The following SLC17A8 variants were observed in gnomAD, a reference collection of about 807,000 sequenced individuals.
SLC17A8 encodes solute carrier family 17 member 8.
A neutral mutation model predicts 58.0 loss-of-function variants in SLC17A8; 31 were observed. The ratio of observed to expected loss-of-function variants is 0.53; its 90% CI spans 0.40 to 0.72. The LOEUF is 0.72. Among genes scored for constraint, SLC17A8 ranks in the 30% least tolerant of loss-of-function variants. The probability of loss-of-function intolerance (pLI) is 0.00; values close to 1 mark genes in which losing one functional copy is unlikely to be tolerated. For missense variants in SLC17A8, 655 were observed against 727.8 expected (o/e 0.90, Z 1.15); for synonymous variants, 228 against 249.0 (o/e 0.92, Z 0.79).
chr12:100,357,677 G>A (rs1952458098), intron 1 of SLC17A8, among the ~76,000 whole-genome samples, 185 bp downstream of exon 1: 1 of 152,174 alleles, frequency 6.6e-6, no homozygotes, highest in Non-Finnish European at 1.5e-5. Context: ...TGCATGAATA[G>A]TATTGGGTTG....
Position 100,408,545 on chromosome 12 carries a change from G to T in SLC17A8, c.1187-4225G>T, listed in dbSNP as rs73376038. 4.9e-3 allele frequency among the ~76,000 whole-genome samples: 747 copies of T among 152,198 alleles called. 11 individuals carry two copies. The highest frequency in any genetic ancestry group is 0.017 in the African/African-American group (714 of 41,520). On this transcript the variant is annotated intron_variant, in intron 9 of 11. Transcript: ENST00000323346. ...CCTAAAGTTGAAATTTTATCCTTAA[G>T]CTCCTGAAACATGCAGCCCTGTCTC...
chr12:100,382,640 T>C (rs946873704), intron 2 of SLC17A8, among the ~76,000 whole-genome samples: 3 of 152,202 alleles, frequency 2.0e-5, no homozygotes, highest in Non-Finnish European at 4.4e-5. Flanking sequence ...ATCACTGCAC[T>C]GCAGGCTGTG....
chr12:100,389,502 T>C (rs61941783), intron 2 of SLC17A8, among the ~76,000 whole-genome samples: 17,596 of 152,124 alleles, frequency 0.12, 1,076 homozygotes, highest in Admixed American at 0.16. Flanking sequence ...CATTTTTTGT[T>C]TTATTCACAA....
intron 1 of SLC17A8, among the ~76,000 whole-genome samples, chr12:100,376,606 G>A (rs1952596216): frequency 6.6e-6 from 1 of 152,164 alleles, no homozygotes; most frequent in African/African-American, 2.4e-5. Context: ...TCAAATGGGA[G>A]TATTAGATTT....
At chr12:100,379,852 T>A (rs1303993568) in intron 1 of SLC17A8, among the ~76,000 whole-genome samples, 4 of 152,038 alleles carry the variant, frequency 2.6e-5, no homozygotes, top group Non-Finnish European at 5.9e-5. Context: ...CAAATGGGTG[T>A]GCATTGTGAT....
chr12:100,379,304 G>T (rs540732431), intron 1 of SLC17A8, among the ~76,000 whole-genome samples: 1 of 151,982 alleles, frequency 6.6e-6, no homozygotes, highest in Non-Finnish European at 1.5e-5. Context: ...GTGTGGTGGC[G>T]CATGGCTGTA....
chr12:100,419,268 T>C (rs761932858), intron 11 of SLC17A8, among the ~76,000 whole-genome samples: 5 of 152,188 alleles, frequency 3.3e-5, no homozygotes, highest in Non-Finnish European at 7.3e-5. Context: ...TTTTAAAATG[T>C]ATTTTCTTGT....
intron 9 of SLC17A8, among the ~76,000 whole-genome samples, chr12:100,411,538 C>T (rs1194098097): frequency 2.0e-5 from 3 of 152,022 alleles, no homozygotes; most frequent in Non-Finnish European, 2.9e-5. Context: ...TTGATTTGGG[C>T]ATGTTGCCTT....
chr12:100,420,373 T>G lies in SLC17A8; in HGVS notation c.*214T>G, dbSNP rs1952940413. 3.3e-5 allele frequency: 18 copies of G among 539,880 alleles called. No homozygotes were observed. In the East Asian group the frequency reaches 5.4e-4, roughly 16 times the overall value. The allele number at this position is 539,880 out of a possible 1,614,324, so 33.4% of individuals were successfully genotyped here. On this transcript the variant is annotated 3_prime_UTR_variant, in exon 12 of 12. Coordinates refer to ENST00000323346, the MANE Select transcript of SLC17A8 (RefSeq NM_139319.3). ...AACATAGTTGATAATACATATTTTT[T>G]GAATTGACAGTTGACCCTTCTCTCA...
intron 1 of SLC17A8, among the ~76,000 whole-genome samples, chr12:100,364,341 G>A (rs1952504605): frequency 6.6e-6 from 1 of 152,214 alleles, no homozygotes; most frequent in African/African-American, 2.4e-5. Flanking sequence ...TTTCCAGGAT[G>A]GAAGGGGTCT....
chr12:100,391,151 C>A, intron 3 of SLC17A8, 32 bp downstream of exon 3: 1 of 1,436,706 alleles, frequency 7.0e-7, no homozygotes, highest in Non-Finnish European at 9.8e-7. Context: ...TGATACAAAC[C>A]AATGAAATGT....
At chr12:100,361,324 C>G (rs7311178) in intron 1 of SLC17A8, among the ~76,000 whole-genome samples, 59,267 of 152,072 alleles carry the variant, frequency 0.39, 12,988 homozygotes, top group African/African-American at 0.59. Context: ...CTGGATTCAC[C>G]GGCCTCCTGG....
intron 3 of SLC17A8, among the ~76,000 whole-genome samples, chr12:100,391,375 C>T (rs1952715101): frequency 7.4e-6 from 1 of 135,094 alleles, no homozygotes; most frequent in South Asian, 2.9e-4. Flanking sequence ...ACCTCTGCCC[C>T]ACCCCCTCCC....
chr12:100,404,324 C>A, intron 9 of SLC17A8, 154 bp downstream of exon 9: 1 of 927,742 alleles, frequency 1.1e-6, no homozygotes, highest in Non-Finnish European at 1.7e-6. Context: ...TGTTGTCCAT[C>A]ACAGTGCTGC....
chr12:100,413,045 T>A (rs1417761071), intron 10 of SLC17A8, among the ~76,000 whole-genome samples, 165 bp downstream of exon 10: 1 of 152,156 alleles, frequency 6.6e-6, no homozygotes, highest in African/African-American at 2.4e-5. Context: ...TTTTGTAAGA[T>A]CACTGAGAAC....
chr12:100,416,295 T>G (rs1437154296), intron 10 of SLC17A8, among the ~76,000 whole-genome samples: 1 of 152,232 alleles, frequency 6.6e-6, no homozygotes, highest in Non-Finnish European at 1.5e-5. Flanking sequence ...AACAATCATA[T>G]TAATTGCTTC....
intron 9 of SLC17A8, among the ~76,000 whole-genome samples, chr12:100,405,081 C>G (rs148508460): frequency 7.5e-4 from 114 of 152,304 alleles, no homozygotes; most frequent in African/African-American, 2.7e-3. Context: ...AAGACTATAC[C>G]GAGGGACACA....
At chr12:100,390,344 G>T (rs538714313) in intron 2 of SLC17A8, among the ~76,000 whole-genome samples, 229 of 132,712 alleles carry the variant, frequency 1.7e-3, no homozygotes, top group African/African-American at 5.5e-3. Flanking sequence ...ACTTTTGTTT[G>T]TTTGTTTCAT....
intron 5 of SLC17A8, among the ~76,000 whole-genome samples, chr12:100,399,587 A>AG (rs1491581868): frequency 4.6e-5 from 7 of 151,510 alleles, no homozygotes; most frequent in South Asian, 2.1e-4. Flanking sequence ...ATGGTGGCAG[A>AG]AGAGAGAGAG....
Sources: allele counts gnomAD v4.1 joint callset (sites outside exome capture counted in the v4.1 genomes callset), GRCh38; gene constraint gnomAD v4.1.1; transcripts MANE v1.5; gene names NCBI Gene and HGNC (gene_info 2026-07-23, HGNC 2026-07-21).